Variants in EFCAB14 observed in about 807,000 individuals in gnomAD.
EFCAB14 encodes EF-hand calcium-binding domain-containing protein 14.
A neutral mutation model predicts 56.5 loss-of-function variants in EFCAB14; 43 were observed. That is an observed-to-expected ratio of 0.76 (90% CI 0.60 to 0.98). The LOEUF (loss-of-function observed/expected upper bound fraction) is 0.98. Among genes scored for constraint, EFCAB14 ranks in the 50% least tolerant of loss-of-function variants. The pLI, the probability that EFCAB14 is intolerant of heterozygous loss-of-function variation, is 0.00. For synonymous variants in EFCAB14, 235 were observed against 212.9 expected, an observed-to-expected ratio of 1.10 and a Z score of -0.90; for missense variants, 538 against 580.3, an observed-to-expected ratio of 0.93 and a Z score of 0.75.
chr1:46,678,557 A>G lies in EFCAB14; in HGVS notation c.1392T>C (p.Gly464=). The part of the protein sequence containing the change: ...LTYQEIWTSL[G]SAMPEPESLR... The stretch of plus-strand genomic sequence containing the variant: ...AGCTCTCTGGTTCTGGCATAGCAGA[A>G]CCTAGGGAGGTCCAGATTTCCTGGT... The change falls in exon 11 of 11, where the codon GGT becomes GGC. Residue 464 remains glycine (G), a synonymous_variant. Coordinates refer to ENST00000371933, the MANE Select transcript of EFCAB14 (RefSeq NM_014774.3). 2 of 1,614,102 alleles carry G rather than the reference A, an allele frequency of 1.2e-6. No individual in the cohort carries two copies. Among genetic ancestry groups the G allele is most frequent in the Non-Finnish European group, 1.7e-6 (2 of 1,180,030 alleles).
chr1:46,676,330 G>T lies in EFCAB14; in HGVS notation c.*2131C>A, dbSNP rs1442879493. ...CAAGCACAAGGTAGGAAGAACAGAA[G>T]ATAAACCAAAAAACAAAATGGATTT... On this transcript the variant is annotated 3_prime_UTR_variant, in exon 11 of 11. Coordinates refer to ENST00000371933, the MANE Select transcript of EFCAB14 (RefSeq NM_014774.3). 1 of 152,126 alleles carries T rather than the reference G, an allele frequency of 6.6e-6. No homozygotes were observed. The highest frequency in any genetic ancestry group is 2.4e-5 in the African/African-American group (1 of 41,406). The allele number at this position is 152,126 out of a possible 1,614,324, so 9.4% of individuals were successfully genotyped here. A position where few individuals can be genotyped will look rare whatever the true frequency, so the allele number is the denominator to read the frequency against.
intron 3 of EFCAB14, among the ~76,000 whole-genome samples, chr1:46,698,073 G>C (rs970875622): frequency 6.6e-6 from 1 of 152,074 alleles, no homozygotes; most frequent in African/African-American, 2.4e-5. Flanking sequence ...GGCTGGTCTT[G>C]AACTCCTGGC....
At chr1:46,686,738 G>C (rs774732028) in intron 8 of EFCAB14, 46 bp downstream of exon 8, 1 of 1,569,132 alleles carries the variant, frequency 6.4e-7, no homozygotes, top group South Asian at 1.1e-5. Flanking sequence ...GCACAGAGAT[G>C]CTGCTGCATT....
intron 9 of EFCAB14, 71 bp downstream of exon 9, chr1:46,684,420 C>T: frequency 1.6e-6 from 2 of 1,256,322 alleles, no homozygotes; most frequent in East Asian, 4.6e-5. Flanking sequence ...GGAACACCTT[C>T]CCTGCTCCCC....
rs36109296 is a variant in EFCAB14, at chr1:46,703,329, C to T, written c.480+4577G>A. 6.9e-3 allele frequency among the ~76,000 whole-genome samples: 1,055 copies of T among 152,220 alleles called. 10 individuals are homozygous for T. Among genetic ancestry groups the T allele is most frequent in the South Asian group, 0.027 (132 of 4,818 alleles). On this transcript the variant is annotated intron_variant, in intron 3 of 10. Coordinates refer to ENST00000371933, the MANE Select transcript of EFCAB14 (RefSeq NM_014774.3). ...TTCACCATGTTGGCCAGGCTGGTCT[C>T]GAACTCCTGACCTCGTGATCCACCC...
At chr1:46,710,580 T>C (rs149002713) in intron 2 of EFCAB14, among the ~76,000 whole-genome samples, 1 of 152,184 alleles carries the variant, frequency 6.6e-6, no homozygotes, top group Non-Finnish European at 1.5e-5. Context: ...TGTTTAGACA[T>C]GAGATCTCTG....
At chr1:46,710,182 GACAGA>G in intron 2 of EFCAB14, among the ~76,000 whole-genome samples, 1 of 152,092 alleles carries the variant, frequency 6.6e-6, no homozygotes, top group East Asian at 1.9e-4. Context: ...TCATTATAAT[GACAGA>G]CTTCCTACAT....
chr1:46,703,260 C>T (rs1677185818), intron 3 of EFCAB14, among the ~76,000 whole-genome samples: 1 of 152,146 alleles, frequency 6.6e-6, no homozygotes, highest in African/African-American at 2.4e-5. Context: ...CAGGTGCTCG[C>T]CACCACGCCT....
At chr1:46,678,781 A>T in intron 10 of EFCAB14, 145 bp from the exon 11 acceptor site, 1 of 645,416 alleles carries the variant, frequency 1.5e-6, no homozygotes, top group Non-Finnish European at 2.4e-6. Flanking sequence ...GGATTTCACT[A>T]AATCAGGAAG....
rs769783870 is a variant in EFCAB14 at position 46,691,853 on chromosome 1, T to C, written c.664A>G (p.Thr222Ala). ...ATATCACTCTGCAGTAATTCCATCG[T>C]TTTCTTGTGTTCATCCACAGTTTTC... The part of the protein sequence containing the change: ...LQKTVDEHKK[T>A]MELLQSDMNQ... The change falls in exon 5 of 11, where the codon ACG (threonine) becomes GCG (alanine). Residue 222 changes from threonine (T) to alanine (A), a missense_variant. Coordinates refer to ENST00000371933, the MANE Select transcript of EFCAB14 (RefSeq NM_014774.3). 4.3e-6 allele frequency: 7 copies of C among 1,613,408 alleles called. No individual in the cohort carries two copies. In the East Asian group the frequency reaches 1.3e-4, roughly 31 times the overall value.
At chr1:46,710,955 T>C (rs947933146) in intron 2 of EFCAB14, among the ~76,000 whole-genome samples, 1 of 152,246 alleles carries the variant, frequency 6.6e-6, no homozygotes, top group Admixed American at 6.5e-5. Context: ...TCCATCCATA[T>C]TGCTGAGAAT....
At chr1:46,705,391 T>G in intron 3 of EFCAB14, among the ~76,000 whole-genome samples, 1 of 152,246 alleles carries the variant, frequency 6.6e-6, no homozygotes, top group Non-Finnish European at 1.5e-5. Context: ...CTTTCCTATT[T>G]ATAGCAGGTT....
chr1:46,695,667 C>T (rs1569708175), intron 4 of EFCAB14, among the ~76,000 whole-genome samples: 1 of 152,140 alleles, frequency 6.6e-6, no homozygotes, highest in Non-Finnish European at 1.5e-5. Flanking sequence ...TCGAATTAGG[C>T]ACCTCTTCTG....
chr1:46,700,141 C>T (rs1405693851), intron 3 of EFCAB14, among the ~76,000 whole-genome samples: 4 of 152,104 alleles, frequency 2.6e-5, no homozygotes, highest in Admixed American at 1.3e-4. Flanking sequence ...ATATAGAAAC[C>T]GTAAGATACT....
chr1:46,719,055 T>TGCGGCGGCGGCGGCC lies in EFCAB14; in HGVS notation c.-983_-969dup, dbSNP rs1553124317. On this transcript the variant is annotated 5_prime_UTR_variant, in exon 1 of 11. Transcript: ENST00000371933. The surrounding 1 kb of genome is among the most constrained non-coding windows in gnomAD (Gnocchi z 4.0). ...TGTTGTTGGCGTTGGTGGCGGCGGC[T>TGCGGCGGCGGCGGCC]GCGGCGGCGGCGGCCGCGAGCTCCA... is the stretch of plus-strand genomic sequence containing the variant. 1 of 158,564 alleles carries TGCGGCGGCGGCGGCC rather than the reference T, an allele frequency of 6.3e-6. No homozygotes were observed. The highest frequency in any genetic ancestry group is 2.4e-5 in the African/African-American group (1 of 41,510). 9.8% of individuals were successfully genotyped at this position (158,564 alleles called of 1,614,324 possible). A position where few individuals can be genotyped will look rare whatever the true frequency, so the allele number is the denominator to read the frequency against.
intron 8 of EFCAB14, among the ~76,000 whole-genome samples, chr1:46,685,311 T>C (rs1176430832): frequency 6.6e-6 from 1 of 152,232 alleles, no homozygotes; most frequent in African/African-American, 2.4e-5. Context: ...CTGGTTTCTA[T>C]GAGGCTCATT....
chr1:46,689,224 C>G (rs923832948), intron 6 of EFCAB14, among the ~76,000 whole-genome samples: 2 of 152,204 alleles, frequency 1.3e-5, no homozygotes, highest in African/African-American at 4.8e-5. Flanking sequence ...TTAGAATTTA[C>G]TGTGGCTCAA....
At chr1:46,683,189 A>T (rs1011932567) in intron 10 of EFCAB14, 111 bp downstream of exon 10, 16 of 1,266,492 alleles carry the variant, frequency 1.3e-5, no homozygotes, top group Non-Finnish European at 1.6e-5. Flanking sequence ...CTGGCACTTG[A>T]TATCTCCTCA....
intron 1 of EFCAB14, 146 bp from the exon 2 acceptor site, chr1:46,716,589 A>T: frequency 1.2e-6 from 1 of 867,372 alleles, no homozygotes; most frequent in Non-Finnish European, 1.8e-6. Context: ...AAAGCACTTA[A>T]ATGAATAAAT....
Sources: allele counts gnomAD v4.1 joint callset (sites outside exome capture counted in the v4.1 genomes callset), GRCh38; gene constraint gnomAD v4.1.1; non-coding constraint Gnocchi (gnomAD v3.1); transcripts MANE v1.5; gene names NCBI Gene and HGNC (gene_info 2026-07-23, HGNC 2026-07-21).